The following PTN variants were observed in gnomAD, a reference collection of about 807,000 sequenced individuals.
PTN encodes heparin affin regulatory protein.
Under a neutral mutation model 24.1 loss-of-function variants are expected in PTN, and 18 were observed. That is an observed-to-expected ratio of 0.75 (90% CI 0.52 to 1.11). The LOEUF is 1.11. Ranked by LOEUF, PTN falls within the 50% of genes least tolerant of loss-of-function variation. The probability of loss-of-function intolerance (pLI) is 0.00; values close to 1 mark genes in which losing one functional copy is unlikely to be tolerated. For missense variants in PTN, 163 were observed against 198.8 expected (o/e 0.82, Z 1.08); for synonymous variants, 78 against 68.6 (o/e 1.14, Z -0.67).
intron 1 of PTN, among the ~76,000 whole-genome samples, chr7:137,298,811 A>G (rs957250748): frequency 4.6e-5 from 7 of 151,992 alleles, no homozygotes; most frequent in African/African-American, 1.4e-4. Flanking sequence ...CCAAAATTCA[A>G]CTTGCGAGCA....
chr7:137,270,478 A>T (rs1467980617), intron 1 of PTN, among the ~76,000 whole-genome samples: 1 of 152,224 alleles, frequency 6.6e-6, no homozygotes, highest in Admixed American at 6.5e-5. Context: ...TTTAGTTAAC[A>T]AATTTATTTA....
chr7:137,255,030 G>A (rs758472692), intron 1 of PTN, 56 bp from the exon 2 acceptor site: 71 of 1,266,386 alleles, frequency 5.6e-5, no homozygotes, highest in Non-Finnish European at 7.3e-5. Flanking sequence ...CAGAAAGGAA[G>A]ATTCATTGAA....
At chr7:137,297,007 T>C (rs1167278272) in intron 1 of PTN, among the ~76,000 whole-genome samples, 1 of 152,096 alleles carries the variant, frequency 6.6e-6, no homozygotes, top group Non-Finnish European at 1.5e-5. Context: ...TCAGAGCTAA[T>C]TTAAATCAGC....
chr7:137,317,239 C>T (rs1810087868), intron 1 of PTN, among the ~76,000 whole-genome samples: 1 of 152,186 alleles, frequency 6.6e-6, no homozygotes, highest in South Asian at 2.1e-4. Flanking sequence ...GGAGTTGCCT[C>T]CAGCCATGGA....
intron 1 of PTN, among the ~76,000 whole-genome samples, chr7:137,306,348 G>C (rs1809887971): frequency 6.6e-6 from 1 of 152,016 alleles, no homozygotes; most frequent in Non-Finnish European, 1.5e-5. Context: ...TGGTAAATCG[G>C]GTTACAAATG....
At chr7:137,288,303 G>C (rs550674012) in intron 1 of PTN, among the ~76,000 whole-genome samples, 2 of 152,228 alleles carry the variant, frequency 1.3e-5, no homozygotes, top group East Asian at 3.9e-4. Context: ...TTATGAATTG[G>C]TTATACTGCC....
intron 1 of PTN, among the ~76,000 whole-genome samples, chr7:137,302,961 T>C (rs1228504757): frequency 6.6e-6 from 1 of 151,982 alleles, no homozygotes; most frequent in Non-Finnish European, 1.5e-5. Flanking sequence ...AAGAAAGTAC[T>C]TGATGTTCGT....
chr7:137,332,795 T>G (rs1266111348), intron 1 of PTN, among the ~76,000 whole-genome samples: 1 of 152,152 alleles, frequency 6.6e-6, no homozygotes, highest in Admixed American at 6.5e-5. Flanking sequence ...CAATCTGATG[T>G]TCATAAGCTC....
At chr7:137,335,249 C>T (rs543682928) in intron 1 of PTN, among the ~76,000 whole-genome samples, 1 of 151,362 alleles carries the variant, frequency 6.6e-6, no homozygotes, top group Admixed American at 6.6e-5. Flanking sequence ...GCTTTTAAAG[C>T]AAATGAAGAA....
intron 1 of PTN, among the ~76,000 whole-genome samples, chr7:137,257,505 A>T (rs942055491): frequency 6.6e-6 from 1 of 152,208 alleles, no homozygotes; most frequent in Non-Finnish European, 1.5e-5. Flanking sequence ...CAGTGCTACT[A>T]TATCTTTCAT....
chr7:137,236,118 GTCAGTTATTTT>G (rs1808516193), intron 4 of PTN: 2 of 700,010 alleles, frequency 2.9e-6, no homozygotes, highest in Admixed American at 2.0e-5. Context: ...TCCCCAATAT[GTCAGTTATTTT>G]TCAAATCAAC....
At chr7:137,324,433 A>AATATAT (rs71176396) in intron 1 of PTN, among the ~76,000 whole-genome samples, 98 of 88,708 alleles carry the variant, frequency 1.1e-3, no homozygotes, top group East Asian at 2.7e-3. Flanking sequence ...AAAAAAAAAA[A>AATATAT]ATATATATAT....
chr7:137,265,822 C>T (rs1486412115), intron 1 of PTN, among the ~76,000 whole-genome samples: 1 of 152,226 alleles, frequency 6.6e-6, no homozygotes, highest in Non-Finnish European at 1.5e-5. Flanking sequence ...TCTTGGTATG[C>T]TATCTTAATT....
intron 4 of PTN, among the ~76,000 whole-genome samples, chr7:137,231,847 G>A (rs1266000856): frequency 6.6e-6 from 1 of 151,874 alleles, no homozygotes; most frequent in Non-Finnish European, 1.5e-5. Context: ...TTAAAACTTT[G>A]TCTTTAGAAT....
At chr7:137,337,933 A>G (rs1241177736) in intron 1 of PTN, among the ~76,000 whole-genome samples, 1 of 152,158 alleles carries the variant, frequency 6.6e-6, no homozygotes, top group Admixed American at 6.5e-5. Flanking sequence ...GCCATCTTCA[A>G]TGGTTCTATG....
intron 4 of PTN, among the ~76,000 whole-genome samples, chr7:137,249,822 A>C (rs1439042402): frequency 6.6e-6 from 1 of 152,146 alleles, no homozygotes; most frequent in African/African-American, 2.4e-5. Context: ...CATGATCTGG[A>C]AAGGGCAGCC....
intron 1 of PTN, among the ~76,000 whole-genome samples, chr7:137,272,278 C>G: frequency 6.6e-6 from 1 of 152,230 alleles, no homozygotes; most frequent in East Asian, 1.9e-4. Context: ...TGCACCCGAT[C>G]TATCTATCTT....
At position 137,329,293 on chromosome 7, in the gene PTN, G is replaced by A. The variant is rs188003266; in HGVS notation, c.-2+14146C>T. On this transcript the variant is annotated intron_variant, in intron 1 of 4. Transcript: ENST00000348225. ...AATTTTAAATGATGAGAAATAATAA[G>A]AACAGAAAGCAAGGCCTTCAGCTTC... is the stretch of plus-strand genomic sequence containing the variant. Among the ~76,000 whole-genome samples, 29 of 152,304 alleles carry A rather than the reference G, an allele frequency of 1.9e-4. 1 individual carries two copies. Among genetic ancestry groups the A allele is most frequent in the Admixed American group, 1.4e-3 (21 of 15,294 alleles).
chr7:137,269,745 G>C (rs1044967910), intron 1 of PTN, among the ~76,000 whole-genome samples: 6 of 143,372 alleles, frequency 4.2e-5, no homozygotes, highest in African/African-American at 1.6e-4. Context: ...CGATTCTCCT[G>C]TCTTGGCCTC....
Sources: gnomAD v4.1 joint callset for allele counts (sites outside exome capture counted in the v4.1 genomes callset) on GRCh38, gnomAD v4.1.1 for gene constraint, MANE v1.5 for transcripts, NCBI Gene and HGNC (gene_info 2026-07-23, HGNC 2026-07-21) for gene names.